The following RIPK2 variants were observed in gnomAD, a reference collection of about 807,000 sequenced individuals.
The protein encoded by RIPK2 is receptor interacting serine/threonine kinase 2.
In RIPK2, 38 loss-of-function variants were observed where a neutral mutation model predicts 60.9. The ratio of observed to expected loss-of-function variants is 0.62; its 90% confidence interval spans 0.48 to 0.82. The LOEUF (loss-of-function observed/expected upper bound fraction) is 0.82, where lower values mean the gene tolerates loss of function less well. Among genes scored for constraint, RIPK2 ranks in the 40% least tolerant of loss-of-function variants. The pLI, the probability that RIPK2 is intolerant of heterozygous loss-of-function variation, is 0.00. For synonymous variants in RIPK2, 225 were observed against 223.4 expected (o/e 1.01, Z -0.06); for missense variants, 518 against 647.0 (o/e 0.80, Z 2.16).
intron 7 of RIPK2, among the ~76,000 whole-genome samples, chr8:89,781,661 C>T (rs1809502986): frequency 6.6e-6 from 1 of 152,056 alleles, no homozygotes; most frequent in South Asian, 2.1e-4. Flanking sequence ...AACTAAGGTA[C>T]AGTAGTCTTC....
rs1325064724 is a variant in RIPK2 at position 89,780,135 on chromosome 8, C to G, written c.914C>G (p.Ala305Gly). The change falls in exon 7 of 11, where the codon GCT becomes GGT. Residue 305 changes from alanine to glycine, a missense_variant. Ala to Gly is a moderately conservative substitution (Grantham distance 60). Around this residue, in one of 3 missense-constraint regions of RIPK2, gnomAD observed 448 missense variants for 534.7 expected, o/e 0.84. Transcript: ENST00000220751. The stretch of plus-strand genomic sequence containing the variant: ...TTTGAAGAGATAACTTTTCTTGAAG[C>G]TGTTATTCAGCTAAAGAAAACAAAG... ...RTFEEITFLE[A>G]VIQLKKTKLQ... 3 of 1,567,854 alleles carry G rather than the reference C, an allele frequency of 1.9e-6. No homozygotes were observed. The highest frequency in any genetic ancestry group is 2.6e-6 in the Non-Finnish European group (3 of 1,148,878).
At chr8:89,785,911 C>A (rs922551037) in intron 8 of RIPK2, among the ~76,000 whole-genome samples, 1 of 152,138 alleles carries the variant, frequency 6.6e-6, no homozygotes, top group Non-Finnish European at 1.5e-5. Flanking sequence ...TTTTCCTGTG[C>A]CTCCATGTGG....
In RIPK2 at chr8:89,758,100, C is replaced by A. The variant is rs1301878036; in HGVS notation, c.40C>A (p.Pro14Thr). 1 of 1,608,034 alleles carries A rather than the reference C, an allele frequency of 6.2e-7. No homozygotes were observed. Among genetic ancestry groups the A allele is most frequent in the South Asian group, 1.1e-5 (1 of 90,070 alleles). The change falls in exon 1 of 11, where the codon CCC becomes ACC. Residue 14 changes from proline to threonine, a missense_variant. Transcript: ENST00000220751. ...EAICSALPTI[P>T]YHKLADLRYL... Reference sequence around the variant, plus strand: ...CATCTGCAGCGCCCTGCCCACCATTCCCTACCACAAACTCGCCGACCTGCG... The same window carrying A: ...CATCTGCAGCGCCCTGCCCACCATTACCTACCACAAACTCGCCGACCTGCG...
At chr8:89,765,282 G>A (rs431264) in intron 2 of RIPK2, 59 bp from the exon 3 acceptor site, 707,421 of 1,240,054 alleles carry the variant, frequency 0.57, 205,270 homozygotes, top group African/African-American at 0.7. Flanking sequence ...CTTTCTAAGT[G>A]TGAAACATAG....
At chr8:89,784,816 C>T (rs1809558688) in intron 8 of RIPK2, among the ~76,000 whole-genome samples, 1 of 152,034 alleles carries the variant, frequency 6.6e-6, no homozygotes, top group Non-Finnish European at 1.5e-5. Flanking sequence ...TTCTGGTAGC[C>T]AGAAAGTCCA....
chr8:89,780,843 G>T (rs1809486442), intron 7 of RIPK2: 1 of 151,476 alleles, frequency 6.6e-6, no homozygotes, highest in Non-Finnish European at 1.5e-5. Flanking sequence ...ATAGACCAAG[G>T]TAGCAGTAAC....
At chr8:89,773,793 A>G (rs2130563194) in intron 6 of RIPK2, among the ~76,000 whole-genome samples, 1 of 152,326 alleles carries the variant, frequency 6.6e-6, no homozygotes, top group East Asian at 1.9e-4. Context: ...ATGTAGGAGA[A>G]AATCTTCATG....
At chr8:89,789,216 TA>T in intron 9 of RIPK2, 104 bp from the exon 10 acceptor site, 1 of 939,042 alleles carries the variant, frequency 1.1e-6, no homozygotes, top group Non-Finnish European at 1.6e-6. Flanking sequence ...TAGTGGAAAC[TA>T]AAGACATTGG....
rs1809637719 is a variant in RIPK2, at chr8:89,789,358, C to T, written c.1161C>T (p.His387=). The T allele has an allele frequency of 6.2e-7, 1 of 1,614,094 alleles. No individual in the cohort carries two copies. Among genetic ancestry groups the T allele is most frequent in the South Asian group, 1.1e-5 (1 of 91,074 alleles). The part of the protein sequence containing the change: ...AQDCYFMKLH[H]CPGNHSWDST... ...ACTGTTATTTTATGAAGCTGCATCACTGTCCTGGAAATCACAGTTGGGATA... is the reference window on the plus strand; with the variant it reads ...ACTGTTATTTTATGAAGCTGCATCATTGTCCTGGAAATCACAGTTGGGATA... The change falls in exon 10 of 11, where the codon CAC becomes CAT. Residue 387 remains histidine (H), a synonymous_variant. Coordinates refer to ENST00000220751, the MANE Select transcript of RIPK2 (RefSeq NM_003821.6).
chr8:89,784,720 A>G (rs1490017927), intron 8 of RIPK2, among the ~76,000 whole-genome samples: 1 of 152,228 alleles, frequency 6.6e-6, no homozygotes, highest in Non-Finnish European at 1.5e-5. Context: ...AAAATTCCAC[A>G]CCTGTGTTAG....
chr8:89,789,571 C>G, intron 10 of RIPK2, 89 bp downstream of exon 10: 1 of 1,233,990 alleles, frequency 8.1e-7, no homozygotes, highest in South Asian at 1.4e-5. Context: ...TGAGGTTTGT[C>G]TTTATTTCCT....
At chr8:89,773,638 T>C (rs1335080930) in intron 6 of RIPK2, among the ~76,000 whole-genome samples, 3 of 152,112 alleles carry the variant, frequency 2.0e-5, no homozygotes, top group Admixed American at 1.3e-4. Context: ...GGAAAGTTGA[T>C]TGGAGAAAGA....
chr8:89,761,018 G>A (rs10504881), intron 1 of RIPK2, among the ~76,000 whole-genome samples: 28,364 of 152,154 alleles, frequency 0.19, 3,915 homozygotes, highest in African/African-American at 0.39. Flanking sequence ...CTAGCAGTTG[G>A]AGTATTAAGT....
In RIPK2 at chr8:89,762,916, G is replaced by A; in HGVS notation, c.261G>A (p.Glu87=). 1.3e-6 allele frequency: 2 copies of A among 1,534,418 alleles called. No individual in the cohort carries two copies. The highest frequency in any genetic ancestry group is 8.8e-7 in the Non-Finnish European group (1 of 1,133,660). ...YILPILGICN[E]PEFLGIVTEY... is the part of the protein sequence containing the mutation. ...TTCCAATTTTGGGAATTTGCAATGA[G>A]CCTGAATTTTTGGGAATAGTTACTG... Residue 87 remains glutamate (E), a synonymous_variant, in exon 2 of 11, where the codon GAG becomes GAA. Coordinates refer to ENST00000220751, the MANE Select transcript of RIPK2 (RefSeq NM_003821.6).
At chr8:89,767,918 C>T (rs1160855442) in intron 3 of RIPK2, among the ~76,000 whole-genome samples, 1 of 151,746 alleles carries the variant, frequency 6.6e-6, no homozygotes, top group East Asian at 1.9e-4. Context: ...TTTCTTATTA[C>T]ATGGATTTTA....
At chr8:89,785,790 G>A (rs908457533) in intron 8 of RIPK2, among the ~76,000 whole-genome samples, 7 of 152,108 alleles carry the variant, frequency 4.6e-5, no homozygotes, top group African/African-American at 7.2e-5. Context: ...TAGACAGTGC[G>A]GATAATAGAG....
chr8:89,780,883 A>G (rs1809487351), intron 7 of RIPK2: 1 of 151,450 alleles, frequency 6.6e-6, no homozygotes, highest in Non-Finnish European at 1.5e-5. Context: ...GGAGAGTTGT[A>G]TTAAATACTC....
At chr8:89,770,063 C>A (rs934436367) in intron 4 of RIPK2, 134 bp downstream of exon 4, 7 of 642,356 alleles carry the variant, frequency 1.1e-5, no homozygotes, top group Admixed American at 3.7e-5. Flanking sequence ...AAACTTGAGG[C>A]CCCACGGTGA....
intron 6 of RIPK2, among the ~76,000 whole-genome samples, chr8:89,779,313 T>TTTG (rs1809456089): frequency 8.2e-6 from 1 of 122,546 alleles, no homozygotes; most frequent in African/African-American, 3.3e-5. Flanking sequence ...TTTTTGGGTT[T>TTTG]TTTTTTTTTT....
Sources: gnomAD v4.1 joint callset for allele counts (sites outside exome capture counted in the v4.1 genomes callset) on GRCh38, gnomAD v4.1.1 for gene constraint, gnomAD v4.1.1 regional missense constraint, MANE v1.5 for transcripts, NCBI Gene and HGNC (gene_info 2026-07-23, HGNC 2026-07-21) for gene names.